AFAP1L2: variants seen among roughly 807,000 people sequenced by gnomAD.
AFAP1L2 encodes the protein actin filament associated protein 1 like 2, also known as actin filament-associated protein 1-like 2.
In AFAP1L2, 46 loss-of-function variants were observed where a neutral mutation model predicts 99.3. The observed-to-expected ratio is 0.46, with a 90% CI of 0.37 to 0.59. The LOEUF is 0.59. Among genes scored for constraint, AFAP1L2 ranks in the 20% least tolerant of loss-of-function variants. AFAP1L2 has a pLI of 0.00. For synonymous variants in AFAP1L2, 397 were observed against 419.1 expected, an observed-to-expected ratio of 0.95 and a Z score of 0.64; for missense variants, 959 against 1,034.9, an observed-to-expected ratio of 0.93 and a Z score of 1.01.
chr10:114,355,035 C>T lies in AFAP1L2; in HGVS notation c.17-14304G>A, dbSNP rs147247919. 9.3e-3 allele frequency among the ~76,000 whole-genome samples: 1,423 copies of T among 152,288 alleles called. 30 individuals are homozygous for T. Among genetic ancestry groups the T allele is most frequent in the African/African-American group, 0.032 (1,343 of 41,556 alleles). On this transcript the variant is annotated intron_variant, in intron 1 of 18. Transcript: ENST00000304129. ...CCCCATAGAATCTAACTTTCTTGCTCCCTTTGAAAAGTCCAAGCACAAAAT... is the reference window on the plus strand; with the variant it reads ...CCCCATAGAATCTAACTTTCTTGCTTCCTTTGAAAAGTCCAAGCACAAAAT...
At chr10:114,284,551 C>G in the AFAP1L2 span, among the ~76,000 whole-genome samples, 1 of 152,210 alleles carries the variant, frequency 6.6e-6, no homozygotes. Flanking sequence ...AGCTCTCTCT[C>G]AGTCTTGAGG....
chr10:114,334,216 C>T (rs1017101670), intron 2 of AFAP1L2, among the ~76,000 whole-genome samples: 4 of 152,212 alleles, frequency 2.6e-5, no homozygotes, highest in South Asian at 2.1e-4. Flanking sequence ...GGTTAAGTCA[C>T]CTTTCCCATG....
At chr10:114,286,494 G>A in the AFAP1L2 span, 1 of 1,574,838 alleles carries the variant, frequency 6.3e-7, no homozygotes, top group African/African-American at 1.3e-5. Flanking sequence ...GGGAAGCTGT[G>A]CAGCCGGCAG....
intron 7 of AFAP1L2, 93 bp from the exon 8 acceptor site, chr10:114,310,536 G>A (rs1175250227): frequency 1.8e-6 from 2 of 1,106,348 alleles, no homozygotes; most frequent in African/African-American, 3.1e-5. Context: ...GGTCAGGGGA[G>A]AGTGGGTGGA....
chr10:114,305,011 G>A, intron 10 of AFAP1L2, 81 bp from the exon 11 acceptor site: 1 of 1,065,272 alleles, frequency 9.4e-7, no homozygotes, highest in Non-Finnish European at 1.3e-6. Flanking sequence ...GGCTTCGGGA[G>A]GGCACACAGA....
intron 7 of AFAP1L2, among the ~76,000 whole-genome samples, chr10:114,313,092 G>A (rs2043515149): frequency 1.3e-5 from 2 of 151,860 alleles, no homozygotes; most frequent in Non-Finnish European, 2.9e-5. Context: ...AACGCTTCTG[G>A]GCTGAAGTGG....
chr10:114,331,333 G>A (rs1228130321), intron 4 of AFAP1L2, among the ~76,000 whole-genome samples: 1 of 152,078 alleles, frequency 6.6e-6, no homozygotes, highest in Non-Finnish European at 1.5e-5. Flanking sequence ...TGCTCAGGTT[G>A]GCCTGTAGTG....
At position 114,371,676 on chromosome 10, in the gene AFAP1L2, G is replaced by A. The variant is rs144548382; in HGVS notation, c.17-30945C>T. 7.0e-3 allele frequency among the ~76,000 whole-genome samples: 1,067 copies of A among 152,186 alleles called. 3 individuals are homozygous for A. Among genetic ancestry groups the A allele is most frequent in the South Asian group, 0.013 (64 of 4,806 alleles). ...GGCCTGTTGTGGGGTGGGGGGCTAG[G>A]GGAGGGAGAGCATTAGGAGAAATAC... On this transcript the variant is annotated intron_variant, in intron 1 of 18. Coordinates refer to ENST00000304129, the MANE Select transcript of AFAP1L2 (RefSeq NM_001001936.3).
At chr10:114,390,404 T>C (rs2056991039) in intron 1 of AFAP1L2, among the ~76,000 whole-genome samples, 1 of 152,096 alleles carries the variant, frequency 6.6e-6, no homozygotes. Context: ...TGCTAGATCG[T>C]ATGGTAAGTG....
chr10:114,284,402 G>T, the AFAP1L2 span, among the ~76,000 whole-genome samples: 1 of 152,206 alleles, frequency 6.6e-6, no homozygotes, highest in African/African-American at 2.4e-5. Context: ...AGGTGCCGGA[G>T]GAAGTGGAAG....
the AFAP1L2 span, chr10:114,286,032 T>G: frequency 6.2e-7 from 1 of 1,614,138 alleles, no homozygotes; most frequent in Non-Finnish European, 8.5e-7. Context: ...CGGGCCAAAG[T>G]CTTCGTGAAG....
At chr10:114,386,738 G>A (rs971773745) in intron 1 of AFAP1L2, among the ~76,000 whole-genome samples, 1 of 152,226 alleles carries the variant, frequency 6.6e-6, no homozygotes, top group African/African-American at 2.4e-5. Flanking sequence ...CAGCCAGGGA[G>A]TGACCGAGCA....
In AFAP1L2 at chr10:114,295,324, C is replaced by T. The variant is rs1367026136; in HGVS notation, c.*718G>A. 2.0e-6 allele frequency: 2 copies of T among 985,140 alleles called. No individual in the cohort carries two copies. The highest frequency in any genetic ancestry group is 3.5e-5 in the African/African-American group (2 of 57,200). The allele number at this position is 985,140 out of a possible 1,614,324, so 61.0% of individuals were successfully genotyped here. ...ATGACAGGATTTTAAGCATTTTTTC[C>T]TATATATAATACAGCATCACTTAAA... On this transcript the variant is annotated 3_prime_UTR_variant, in exon 19 of 19. Transcript: ENST00000304129.
intron 1 of AFAP1L2, among the ~76,000 whole-genome samples, chr10:114,378,294 C>T (rs773870834): frequency 6.6e-6 from 1 of 152,182 alleles, no homozygotes; most frequent in African/African-American, 2.4e-5. Flanking sequence ...AAAACTGTGT[C>T]GTCCTACTGA....
chr10:114,310,302 TAC>T (rs1485841407), intron 8 of AFAP1L2, 50 bp downstream of exon 8: 2 of 1,547,242 alleles, frequency 1.3e-6, no homozygotes, highest in Non-Finnish European at 1.7e-6. Context: ...TTTTAATTTT[TAC>T]AGAGAAAACA....
At chr10:114,388,129 G>A (rs2056730303) in intron 1 of AFAP1L2, among the ~76,000 whole-genome samples, 1 of 152,182 alleles carries the variant, frequency 6.6e-6, no homozygotes, top group South Asian at 2.1e-4. Flanking sequence ...TGGTCTACCT[G>A]GCGGTGACTT....
intron 10 of AFAP1L2, among the ~76,000 whole-genome samples, chr10:114,305,476 G>A: frequency 6.8e-6 from 1 of 146,436 alleles, no homozygotes; most frequent in South Asian, 2.2e-4. Context: ...AGGGGACGCA[G>A]ATGCAGGAGG....
At chr10:114,296,118 T>C in intron 18 of AFAP1L2, 50 bp from the exon 19 acceptor site, 2 of 1,612,972 alleles carry the variant, frequency 1.2e-6, no homozygotes, top group Non-Finnish European at 1.7e-6. Context: ...AAAAGATAGT[T>C]AGTTATCCAC....
the AFAP1L2 span, chr10:114,280,985 T>C: frequency 6.6e-6 from 1 of 152,182 alleles, no homozygotes; most frequent in African/African-American, 2.4e-5. Flanking sequence ...AATTCCTGCC[T>C]CCGCCTTTCA....
Sources: allele counts gnomAD v4.1 joint callset (sites outside exome capture counted in the v4.1 genomes callset), GRCh38; gene constraint gnomAD v4.1.1; transcripts MANE v1.5; gene names NCBI Gene and HGNC (gene_info 2026-07-23, HGNC 2026-07-21).